Variants in NRIP1 observed in about 807,000 individuals in gnomAD.
The protein encoded by NRIP1 is nuclear receptor interacting protein 1, also known as nuclear receptor-interacting protein 1.
NRIP1 carries 28 observed loss-of-function variants against 75.0 expected under a neutral mutation model. The observed-to-expected ratio is 0.37, with a 90% CI of 0.28 to 0.51. NRIP1 has a LOEUF of 0.51. NRIP1 is among the 20% of genes least tolerant of loss of function. The probability of loss-of-function intolerance (pLI) is 0.92; values close to 1 mark genes in which losing one functional copy is unlikely to be tolerated. For synonymous variants in NRIP1, 526 were observed against 487.6 expected (o/e 1.08, Z -1.04); for missense variants, 1,435 against 1,343.7 (o/e 1.07, Z -1.06).
chr21:15,012,979 G>T (rs2088145408), intron 3 of NRIP1, among the ~76,000 whole-genome samples: 1 of 152,042 alleles, frequency 6.6e-6, no homozygotes, highest in Admixed American at 6.5e-5. Context: ...ACAGGAATAT[G>T]CATGATTATA....
At chr21:15,024,415 A>ATG (rs559839075) in intron 2 of NRIP1, among the ~76,000 whole-genome samples, 176 of 152,102 alleles carry the variant, frequency 1.2e-3, no homozygotes, top group African/African-American at 3.9e-3. Context: ...GGTGGCAGTC[A>ATG]CCTGTAATCC....
At chr21:15,024,567 AGT>A (rs60376904) in intron 2 of NRIP1, among the ~76,000 whole-genome samples, 4,186 of 145,302 alleles carry the variant, frequency 0.029, 139 homozygotes, top group African/African-American at 0.071. Flanking sequence ...TGGTATCCAG[AGT>A]GTGTGTGTGT....
intron 2 of NRIP1, among the ~76,000 whole-genome samples, chr21:15,042,662 G>T (rs915950883): frequency 6.6e-6 from 1 of 152,214 alleles, no homozygotes; most frequent in Non-Finnish European, 1.5e-5. Flanking sequence ...GTTACAGTGA[G>T]AAGTCAGCCA....
At chr21:15,033,134 A>G (rs931319959) in intron 2 of NRIP1, among the ~76,000 whole-genome samples, 10 of 150,768 alleles carry the variant, frequency 6.6e-5, no homozygotes, top group Admixed American at 5.3e-4. Flanking sequence ...CTGAGGCAGG[A>G]GAATGGCGTG....
intron 2 of NRIP1, among the ~76,000 whole-genome samples, chr21:15,028,198 T>C (rs1289837150): frequency 6.6e-6 from 1 of 152,224 alleles, no homozygotes; most frequent in South Asian, 2.1e-4. Flanking sequence ...TGCTGCATTC[T>C]TGTTAAATGC....
Position 14,966,852 on chromosome 21 carries a change from G to C in NRIP1, c.1341C>G (p.His447Gln), listed in dbSNP as rs1309374789. ...NCVPIDLSCK[H>Q]RTEKSESDQP... is the part of the protein sequence containing the mutation. ...GGTCAGATTCTGATTTTTCAGTTCG[G>C]TGTTTGCAAGACAAGTCTATGGGAA... The change falls in exon 4 of 4, where the codon CAC (histidine) becomes CAG (glutamine). Residue 447 changes from histidine to glutamine, a missense_variant. By Grantham distance (24) the His-to-Gln change is conservative. Transcript: ENST00000318948. 3.1e-6 allele frequency: 5 copies of C among 1,613,944 alleles called. No individual in the cohort carries two copies. In the Admixed American group the frequency reaches 6.7e-5, roughly 22 times the overall value.
intron 3 of NRIP1, among the ~76,000 whole-genome samples, chr21:14,985,024 G>GT (rs1330858511): frequency 6.6e-6 from 1 of 152,194 alleles, no homozygotes; most frequent in Non-Finnish European, 1.5e-5. Context: ...CTTTACTGAG[G>GT]TATTCATTTC....
chr21:15,053,424 T>C (rs1020757888), intron 1 of NRIP1, among the ~76,000 whole-genome samples: 9 of 152,208 alleles, frequency 5.9e-5, no homozygotes, highest in African/African-American at 1.4e-4. Flanking sequence ...ACCCTTTTCA[T>C]TGCAAAGGAT....
At chr21:15,059,063 C>T (rs1266211302) in intron 1 of NRIP1, among the ~76,000 whole-genome samples, 1 of 152,208 alleles carries the variant, frequency 6.6e-6, no homozygotes, top group East Asian at 1.9e-4. Flanking sequence ...TAAGGAATGA[C>T]TTTGTTAATT....
At chr21:15,004,274 A>C (rs1469560254) in intron 3 of NRIP1, among the ~76,000 whole-genome samples, 6 of 152,236 alleles carry the variant, frequency 3.9e-5, no homozygotes, top group African/African-American at 1.4e-4. Flanking sequence ...ATTCTACTTC[A>C]GTCAAAAAGC....
At chr21:15,057,523 C>A (rs1450757621) in intron 1 of NRIP1, among the ~76,000 whole-genome samples, 1 of 152,198 alleles carries the variant, frequency 6.6e-6, no homozygotes, top group Non-Finnish European at 1.5e-5. Flanking sequence ...GCTGCAGAAT[C>A]ATCGACTGGC....
chr21:15,058,637 G>C (rs1415425111), intron 1 of NRIP1, among the ~76,000 whole-genome samples: 4 of 152,044 alleles, frequency 2.6e-5, no homozygotes, highest in African/African-American at 7.2e-5. Context: ...AATTTTGATT[G>C]TGTCCTGTTA....
At chr21:15,047,279 C>T (rs75608144) in intron 1 of NRIP1, among the ~76,000 whole-genome samples, 3 of 146,470 alleles carry the variant, frequency 2.0e-5, no homozygotes, top group Non-Finnish European at 4.5e-5. Flanking sequence ...CGGTGGCTCA[C>T]GCCTGTAATT....
intron 3 of NRIP1, among the ~76,000 whole-genome samples, chr21:14,998,693 T>C (rs944234997): frequency 2.6e-5 from 4 of 152,222 alleles, no homozygotes; most frequent in African/African-American, 9.6e-5. Context: ...AAACCTTTAT[T>C]ATGATCTACT....
chr21:14,967,328 T>G lies in NRIP1; in HGVS notation c.865A>C (p.Asn289His). 1 of 1,614,114 alleles carries G rather than the reference T, an allele frequency of 6.2e-7. No homozygotes were observed. Among genetic ancestry groups the G allele is most frequent in the Non-Finnish European group, 8.5e-7 (1 of 1,180,002 alleles). The change falls in exon 4 of 4, where the codon AAT becomes CAT. Residue 289 changes from asparagine to histidine, a missense_variant. Asn to His is a moderately conservative substitution (Grantham distance 68). Coordinates refer to ENST00000318948, the MANE Select transcript of NRIP1 (RefSeq NM_003489.4). ...CTTTCACTTGCTGCTTGATTTGCAT[T>G]TTGCGTTTTTAAAGCGTGTTCTCGA... ...YSREHALKTQ[N>H]ANQAASERLA...
intron 2 of NRIP1, among the ~76,000 whole-genome samples, chr21:15,039,525 T>C (rs2088908126): frequency 6.6e-6 from 1 of 152,106 alleles, no homozygotes; most frequent in African/African-American, 2.4e-5. Context: ...TTTATCCCAT[T>C]TGGCAAAAAT....
intron 1 of NRIP1, among the ~76,000 whole-genome samples, chr21:15,045,474 C>T (rs539180939): frequency 2.6e-5 from 4 of 152,298 alleles, no homozygotes; most frequent in African/African-American, 7.2e-5. Context: ...TATAAAAATA[C>T]TTTATTGCTA....
At chr21:14,977,608 A>C (rs2087109135) in intron 3 of NRIP1, among the ~76,000 whole-genome samples, 1 of 152,236 alleles carries the variant, frequency 6.6e-6, no homozygotes, top group South Asian at 2.1e-4. Flanking sequence ...TTTAAAAAGG[A>C]ATAAAAGAAA....
At chr21:14,972,796 T>G (rs2086937919) in intron 3 of NRIP1, among the ~76,000 whole-genome samples, 1 of 152,148 alleles carries the variant, frequency 6.6e-6, no homozygotes, top group Non-Finnish European at 1.5e-5. Context: ...TTATAAACAG[T>G]GGGGAACCTA....
Sources: gnomAD v4.1 joint callset for allele counts (sites outside exome capture counted in the v4.1 genomes callset) on GRCh38, gnomAD v4.1.1 for gene constraint, MANE v1.5 for transcripts, NCBI Gene and HGNC (gene_info 2026-07-23, HGNC 2026-07-21) for gene names.